EYS: variants seen among roughly 807,000 people sequenced by gnomAD.
EYS encodes the protein EGF-like photoreceptor maintenance factor.
Under a neutral mutation model 282.1 loss-of-function variants are expected in EYS, and 250 were observed. The ratio of observed to expected loss-of-function variants is 0.89; its 90% CI spans 0.80 to 0.98. The LOEUF is 0.98. Among genes scored for constraint, EYS ranks in the 50% least tolerant of loss-of-function variants. The pLI, the probability that EYS is intolerant of heterozygous loss-of-function variation, is 0.00. For synonymous variants in EYS, 1,355 were observed against 1,282.9 expected (o/e 1.06, Z -1.20); for missense variants, 4,016 against 3,709.0 (o/e 1.08, Z -2.15).
intron 22 of EYS, among the ~76,000 whole-genome samples, chr6:64,739,155 C>G (rs780717939): frequency 1.5e-4 from 23 of 152,184 alleles, no homozygotes; most frequent in African/African-American, 3.6e-4. Context: ...TCTTTTTCAT[C>G]ATACAAGGTA....
At chr6:64,729,933 T>G (rs1372411859) in intron 22 of EYS, among the ~76,000 whole-genome samples, 1 of 152,056 alleles carries the variant, frequency 6.6e-6, no homozygotes, top group Non-Finnish European at 1.5e-5. Flanking sequence ...TGTAAAGACA[T>G]TAATAACAGA....
At chr6:64,045,269 G>T (rs1770565212) in intron 33 of EYS, among the ~76,000 whole-genome samples, 1 of 151,854 alleles carries the variant, frequency 6.6e-6, no homozygotes, top group Non-Finnish European at 1.5e-5. Context: ...CTTTAAAAAG[G>T]TGAGTGTAAA....
intron 2 of EYS, among the ~76,000 whole-genome samples, chr6:65,554,110 G>A (rs189807024): frequency 6.4e-4 from 97 of 152,206 alleles, no homozygotes; most frequent in Non-Finnish European, 1.2e-3. Flanking sequence ...GCAATCTGAA[G>A]CATTCCATCA....
chr6:64,999,163 A>G (rs1771372497), intron 13 of EYS, among the ~76,000 whole-genome samples: 1 of 152,244 alleles, frequency 6.6e-6, no homozygotes, highest in Admixed American at 6.5e-5. Flanking sequence ...AAATGGACTA[A>G]GTGCCAGAAG....
chr6:65,535,568 G>A (rs1487067464), intron 2 of EYS, among the ~76,000 whole-genome samples: 1 of 152,092 alleles, frequency 6.6e-6, no homozygotes, highest in East Asian at 1.9e-4. Flanking sequence ...AAATTACCCA[G>A]TCTCAGGTAT....
At chr6:65,678,578 A>G (rs1768708826) in intron 1 of EYS, among the ~76,000 whole-genome samples, 2 of 152,016 alleles carry the variant, frequency 1.3e-5, no homozygotes, top group South Asian at 4.1e-4. Flanking sequence ...CAAAAAGCAC[A>G]GGAAACAAAA....
At chr6:64,759,123 A>C (rs758716271) in intron 22 of EYS, among the ~76,000 whole-genome samples, 5 of 149,870 alleles carry the variant, frequency 3.3e-5, no homozygotes, top group Non-Finnish European at 7.4e-5. Context: ...TGGGCGACAG[A>C]GCGAGACTCC....
chr6:64,997,477 A>G, intron 14 of EYS, 105 bp downstream of exon 14: 1 of 1,047,662 alleles, frequency 9.5e-7, no homozygotes. Flanking sequence ...CATATGTAAT[A>G]TATATACTAA....
intron 30 of EYS, among the ~76,000 whole-genome samples, chr6:64,231,421 T>C (rs954411674): frequency 6.6e-6 from 1 of 152,176 alleles, no homozygotes; most frequent in Non-Finnish European, 1.5e-5. Context: ...CTTGACAATC[T>C]GATTCATCCC....
At chr6:65,571,501 T>C (rs1764476326) in intron 2 of EYS, among the ~76,000 whole-genome samples, 1 of 152,016 alleles carries the variant, frequency 6.6e-6, no homozygotes, top group African/African-American at 2.4e-5. Context: ...TAATTTCTAC[T>C]CTGGCTTTAG....
intron 36 of EYS, among the ~76,000 whole-genome samples, chr6:63,854,828 T>C (rs1772349840): frequency 6.6e-6 from 1 of 152,188 alleles, no homozygotes; most frequent in African/African-American, 2.4e-5. Flanking sequence ...AAGATAATTG[T>C]CTAGATTAGT....
chr6:65,361,449 T>C (rs1764703629), intron 8 of EYS, among the ~76,000 whole-genome samples: 1 of 151,762 alleles, frequency 6.6e-6, no homozygotes, highest in Admixed American at 6.6e-5. Context: ...AATTTCTTTC[T>C]CTTTTTTTTT....
chr6:64,599,106 T>C (rs1766679817), intron 24 of EYS, among the ~76,000 whole-genome samples: 1 of 152,188 alleles, frequency 6.6e-6, no homozygotes, highest in Non-Finnish European at 1.5e-5. Flanking sequence ...GTGGCTTCTT[T>C]ACTTGTTTGT....
chr6:65,111,346 C>T (rs1581919129), intron 12 of EYS, among the ~76,000 whole-genome samples: 2 of 151,970 alleles, frequency 1.3e-5, no homozygotes, highest in East Asian at 1.9e-4. Context: ...TTTCTTAACC[C>T]CTGTTTGTTT....
chr6:64,974,655 T>C (rs921938203), intron 14 of EYS, among the ~76,000 whole-genome samples: 1 of 151,878 alleles, frequency 6.6e-6, no homozygotes, highest in Non-Finnish European at 1.5e-5. Flanking sequence ...CCTTATAGGA[T>C]ACATATTATA....
At chr6:64,733,457 G>T in intron 22 of EYS, 1 of 189,900 alleles carries the variant, frequency 5.3e-6, no homozygotes, top group South Asian at 1.2e-4. Context: ...CCACCACAAT[G>T]ATGCTGCTGA....
chr6:65,483,215 T>C (rs1765666337), intron 5 of EYS, among the ~76,000 whole-genome samples: 1 of 152,120 alleles, frequency 6.6e-6, no homozygotes. Flanking sequence ...ATTTGTACTC[T>C]ATTTCACAAT....
At chr6:63,748,951 T>C (rs1769275643) in intron 41 of EYS, among the ~76,000 whole-genome samples, 1 of 152,184 alleles carries the variant, frequency 6.6e-6, no homozygotes, top group African/African-American at 2.4e-5. Context: ...GATTTGTTGA[T>C]CTTTTGAATG....
intron 30 of EYS, among the ~76,000 whole-genome samples, chr6:64,247,303 T>C (rs1235128732): frequency 2.0e-5 from 3 of 152,166 alleles, no homozygotes; most frequent in African/African-American, 4.8e-5. Context: ...TAAGAACATA[T>C]GTGCTGGCAA....
Sources: allele counts gnomAD v4.1 joint callset (sites outside exome capture counted in the v4.1 genomes callset), GRCh38; gene constraint gnomAD v4.1.1; transcripts MANE v1.5; gene names NCBI Gene and HGNC (gene_info 2026-07-23, HGNC 2026-07-21).